The following DENND1A variants were observed in gnomAD, a reference collection of about 807,000 sequenced individuals.
DENND1A encodes DENN domain-containing protein 1A.
DENND1A carries 51 observed loss-of-function variants against 113.7 expected under a neutral mutation model. The ratio of observed to expected loss-of-function variants is 0.45; its 90% CI spans 0.36 to 0.57. The LOEUF (loss-of-function observed/expected upper bound fraction) is 0.57. Among genes scored for constraint, DENND1A ranks in the 20% least tolerant of loss-of-function variants. The probability of loss-of-function intolerance (pLI) is 0.00; values close to 1 mark genes in which losing one functional copy is unlikely to be tolerated. For missense variants in DENND1A, 1,258 were observed against 1,395.9 expected (o/e 0.90, Z 1.57); for synonymous variants, 565 against 570.8 (o/e 0.99, Z 0.14).
chr9:123,796,756 T>TACACACACACACACACACACACAC (rs370185315), intron 2 of DENND1A, among the ~76,000 whole-genome samples: 1 of 141,510 alleles, frequency 7.1e-6, no homozygotes, highest in Non-Finnish European at 1.6e-5. Flanking sequence ...TATGTGTACA[T>TACACACACACACACACACACACAC]ACACACACAC....
At chr9:123,513,616 G>C (rs960931570) in intron 13 of DENND1A, among the ~76,000 whole-genome samples, 6 of 152,222 alleles carry the variant, frequency 3.9e-5, no homozygotes, top group Admixed American at 3.9e-4. Context: ...TGGAAGCACT[G>C]AGGACCAAAA....
At chr9:123,740,712 G>A (rs2068936544) in intron 5 of DENND1A, among the ~76,000 whole-genome samples, 1 of 152,022 alleles carries the variant, frequency 6.6e-6, no homozygotes, top group South Asian at 2.1e-4. Context: ...TACAGATGTG[G>A]GAAACAAGGA....
At position 123,915,183 on chromosome 9, in the gene DENND1A, G is replaced by T. The variant is rs76375677; in HGVS notation, c.17+14706C>A. 8.5e-5 allele frequency among the ~76,000 whole-genome samples: 13 copies of T among 152,152 alleles called. No homozygotes were observed. In the East Asian group the frequency reaches 2.5e-3, roughly 29 times the overall value. Reference sequence around the variant, plus strand: ...AAACTTATCCATATATGATGCCAAAGACATTTAGCATAATTTTCAATTCTG... The same window carrying T: ...AAACTTATCCATATATGATGCCAAATACATTTAGCATAATTTTCAATTCTG... On this transcript the variant is annotated intron_variant, in intron 1 of 23. Coordinates refer to ENST00000394215, the MANE Select transcript of DENND1A (RefSeq NM_001352964.2).
At chr9:123,592,872 A>C (rs767071684) in intron 11 of DENND1A, among the ~76,000 whole-genome samples, 7 of 152,188 alleles carry the variant, frequency 4.6e-5, no homozygotes, top group South Asian at 2.1e-4. Flanking sequence ...CACACACACA[A>C]AAAAATACGG....
At chr9:123,550,770 A>G (rs1162771572) in intron 13 of DENND1A, among the ~76,000 whole-genome samples, 1 of 152,238 alleles carries the variant, frequency 6.6e-6, no homozygotes, top group Non-Finnish European at 1.5e-5. Context: ...CGTTCTCTCT[A>G]GGAAGGAGGA....
At chr9:123,392,004 C>T (rs1192613628) in intron 21 of DENND1A, among the ~76,000 whole-genome samples, 1 of 152,196 alleles carries the variant, frequency 6.6e-6, no homozygotes, top group East Asian at 1.9e-4. Flanking sequence ...CTCTGCCCAC[C>T]TTGTCTCCGC....
At position 123,583,268 on chromosome 9, in the gene DENND1A, T is replaced by C; in HGVS notation, c.768A>G (p.Lys256=). 1 of 1,610,482 alleles carries C rather than the reference T, an allele frequency of 6.2e-7. No individual in the cohort carries two copies. The highest frequency in any genetic ancestry group is 1.1e-5 in the South Asian group (1 of 90,402). The part of the protein sequence containing the change: ...LIGIHLSLME[K]VRNMALDDVV... Reference sequence around the variant, plus strand: ...CATCATCCAGGGCCATGTTTCTGACTTTCTGCAAGGAGAAAAAAATCCACA... The same window carrying C: ...CATCATCCAGGGCCATGTTTCTGACCTTCTGCAAGGAGAAAAAAATCCACA... The change falls in exon 12 of 24, where the codon AAA becomes AAG. Residue 256 remains lysine, a splice_region_variant and synonymous_variant. Coordinates refer to ENST00000394215, the MANE Select transcript of DENND1A (RefSeq NM_001352964.2).
intron 1 of DENND1A, among the ~76,000 whole-genome samples, chr9:123,905,338 T>C (rs988343834): frequency 2.7e-5 from 4 of 149,304 alleles, no homozygotes; most frequent in African/African-American, 5.0e-5. Context: ...AATGACAGGA[T>C]CAAATTCACA....
intron 13 of DENND1A, among the ~76,000 whole-genome samples, chr9:123,538,474 T>C (rs927915424): frequency 1.3e-5 from 2 of 151,964 alleles, no homozygotes; most frequent in South Asian, 4.1e-4. Context: ...AATGTCTGAT[T>C]CCAGGTTTGG....
At chr9:123,721,432 C>T (rs571470636) in intron 5 of DENND1A, among the ~76,000 whole-genome samples, 1 of 152,338 alleles carries the variant, frequency 6.6e-6, no homozygotes, top group East Asian at 1.9e-4. Context: ...ATTCCTGTCC[C>T]ACCTCCCCAT....
chr9:123,748,573 A>G (rs1396868390), intron 5 of DENND1A, among the ~76,000 whole-genome samples: 1 of 152,224 alleles, frequency 6.6e-6, no homozygotes, highest in Non-Finnish European at 1.5e-5. Flanking sequence ...ACTTAAATTC[A>G]GACTCCTGTA....
intron 5 of DENND1A, among the ~76,000 whole-genome samples, chr9:123,742,023 A>T (rs1452613143): frequency 6.6e-6 from 1 of 152,250 alleles, no homozygotes; most frequent in Non-Finnish European, 1.5e-5. Context: ...TCTCAGAGCG[A>T]AGGGTATCAC....
rs185270311 is a variant in DENND1A, at chr9:123,733,904, A to T, written c.302+23799T>A. Reference sequence around the variant, plus strand: ...GCTGGTCTCGAAGTCCTGACCTCGTAATCCACCTGCCTCAGCTTCCCAAAG... The same window carrying T: ...GCTGGTCTCGAAGTCCTGACCTCGTTATCCACCTGCCTCAGCTTCCCAAAG... On this transcript the variant is annotated intron_variant, in intron 5 of 23. Coordinates refer to ENST00000394215, the MANE Select transcript of DENND1A (RefSeq NM_001352964.2). Among the ~76,000 whole-genome samples, 605 of 152,142 alleles carry T rather than the reference A, an allele frequency of 4.0e-3. 4 individuals carry two copies. Among genetic ancestry groups the T allele is most frequent in the Non-Finnish European group, 7.0e-3 (477 of 67,976 alleles).
chr9:123,540,339 G>T (rs12339742), intron 13 of DENND1A, among the ~76,000 whole-genome samples: 26,880 of 152,166 alleles, frequency 0.18, 2,526 homozygotes, highest in African/African-American at 0.22. Flanking sequence ...CAAAATTACA[G>T]AAATAGAAAA....
At chr9:123,694,038 G>A (rs1489870069) in intron 5 of DENND1A, among the ~76,000 whole-genome samples, 2 of 150,988 alleles carry the variant, frequency 1.3e-5, no homozygotes, top group Non-Finnish European at 2.9e-5. Flanking sequence ...GTTTCATCAT[G>A]TTGGCCAGGA....
intron 2 of DENND1A, among the ~76,000 whole-genome samples, chr9:123,820,652 G>A (rs1838313238): frequency 6.6e-6 from 1 of 151,984 alleles, no homozygotes; most frequent in Non-Finnish European, 1.5e-5. Flanking sequence ...GAGTTTTGGG[G>A]TACTTTTTTT....
chr9:123,836,532 A>G (rs1407324494), intron 2 of DENND1A, among the ~76,000 whole-genome samples: 3 of 152,216 alleles, frequency 2.0e-5, no homozygotes, highest in Admixed American at 1.3e-4. Flanking sequence ...TAAAAAGGAT[A>G]TATAATAAAA....
chr9:123,645,093 CAA>C (rs1017460259), intron 9 of DENND1A, among the ~76,000 whole-genome samples: 3 of 152,114 alleles, frequency 2.0e-5, no homozygotes, highest in African/African-American at 4.8e-5. Flanking sequence ...ATTAACTGAG[CAA>C]AGAGAACAAA....
chr9:123,397,155 C>T (rs1217616641), intron 21 of DENND1A, among the ~76,000 whole-genome samples: 2 of 152,134 alleles, frequency 1.3e-5, no homozygotes, highest in African/African-American at 4.8e-5. Context: ...GTCAATAATT[C>T]CGTTTCCTTT....
Sources: gnomAD v4.1 joint callset for allele counts (sites outside exome capture counted in the v4.1 genomes callset) on GRCh38, gnomAD v4.1.1 for gene constraint, MANE v1.5 for transcripts, NCBI Gene and HGNC (gene_info 2026-07-23, HGNC 2026-07-21) for gene names.